The following C14orf132 variants were observed in gnomAD, a reference collection of about 807,000 sequenced individuals.
C14orf132 encodes chromosome 14 open reading frame 132.
In C14orf132, 6 loss-of-function variants were observed where a neutral mutation model predicts 5.8. The ratio of observed to expected loss-of-function variants is 1.03; its 90% CI spans 0.57 to 2.04. The LOEUF (loss-of-function observed/expected upper bound fraction) is 2.04, where lower values mean the gene tolerates loss of function less well. Ranked by LOEUF, C14orf132 falls within the 30% of genes most tolerant of loss-of-function variation. The pLI is 0.00. For synonymous variants in C14orf132, 51 were observed against 49.8 expected, an observed-to-expected ratio of 1.02 and a Z score of -0.10; for missense variants, 125 against 115.8, an observed-to-expected ratio of 1.08 and a Z score of -0.37.
chr14:96,059,308 C>T (rs1887275957), intron 1 of C14orf132, among the ~76,000 whole-genome samples: 1 of 152,160 alleles, frequency 6.6e-6, no homozygotes, highest in African/African-American at 2.4e-5. Context: ...AATGAAAAAC[C>T]TGCCCCATGG....
intron 1 of C14orf132, among the ~76,000 whole-genome samples, chr14:96,079,032 T>G (rs1368044299): frequency 1.3e-5 from 2 of 152,152 alleles, no homozygotes; most frequent in Admixed American, 1.3e-4. Context: ...CCACATAAAA[T>G]AAACCAGACC....
At chr14:96,082,623 C>T (rs530195348) in intron 1 of C14orf132, among the ~76,000 whole-genome samples, 28 of 152,290 alleles carry the variant, frequency 1.8e-4, no homozygotes, top group Admixed American at 4.6e-4. Flanking sequence ...CTAGGGGGCA[C>T]GGGTGGCCAT....
At chr14:96,052,506 T>G (rs918814891) in intron 1 of C14orf132, among the ~76,000 whole-genome samples, 7 of 152,254 alleles carry the variant, frequency 4.6e-5, no homozygotes, top group Non-Finnish European at 1.0e-4. Context: ...ATGTCAGGAT[T>G]GCTGCTGCCC....
Position 96,091,145 on chromosome 14 carries a change from G to C in C14orf132, c.*4410G>C. The C allele has an allele frequency of 2.5e-6, 1 of 401,424 alleles. No homozygotes were observed. The highest frequency in any genetic ancestry group is 1.9e-5 in the South Asian group (1 of 53,190). 24.9% of individuals were successfully genotyped at this position (401,424 alleles called of 1,614,324 possible). A position where few individuals can be genotyped will look rare whatever the true frequency, so the allele number is the denominator to read the frequency against. ...GCTAAGGAGCTGTGATTCAGACCCA[G>C]TTCTGTCAGCTCTAGAGGCACCCTG... On this transcript the variant is annotated 3_prime_UTR_variant, in exon 2 of 2. Transcript: ENST00000555004.
chr14:96,053,543 C>T (rs994409269), intron 1 of C14orf132, among the ~76,000 whole-genome samples: 3 of 152,354 alleles, frequency 2.0e-5, no homozygotes, highest in Non-Finnish European at 4.4e-5. Context: ...ATGGGACTCT[C>T]CCTGGGCTGG....
chr14:96,048,171 G>C (rs1244252010), intron 1 of C14orf132, among the ~76,000 whole-genome samples: 1 of 152,196 alleles, frequency 6.6e-6, no homozygotes, highest in Non-Finnish European at 1.5e-5. Context: ...CTGGGTGACA[G>C]AGTGAAACTC....
At position 96,039,527 on chromosome 14, in the gene C14orf132, G is replaced by C. The variant is rs1270284688; in HGVS notation, c.27G>C (p.Gln9His). MDLSFMAA[Q>H]LPMMGGAFMD... ...TGGATCTCTCCTTTATGGCCGCGCA[G>C]GTAACGGGGCGTCCCCCCCACGCGC... is the stretch of plus-strand genomic sequence containing the variant. The change falls in exon 1 of 2, where the codon CAG becomes CAC. Residue 9 changes from glutamine to histidine, a missense_variant and splice_region_variant. Transcript: ENST00000555004. The surrounding 1 kb of genome is among the most constrained non-coding windows in gnomAD (Gnocchi z 5.3). The C allele has an allele frequency of 6.7e-7, 1 of 1,503,406 alleles. No homozygotes were observed. Among genetic ancestry groups the C allele is most frequent in the Non-Finnish European group, 8.9e-7 (1 of 1,129,642 alleles). 93.1% of individuals were successfully genotyped at this position (1,503,406 alleles called of 1,614,324 possible).
At position 96,039,429 on chromosome 14, in the gene C14orf132, C is replaced by G; in HGVS notation, c.-72C>G. The G allele has an allele frequency of 7.0e-7, 1 of 1,418,746 alleles. No individual in the cohort carries two copies. The highest frequency in any genetic ancestry group is 9.3e-7 in the Non-Finnish European group (1 of 1,078,134). The allele number at this position is 1,418,746 out of a possible 1,614,324, so 87.9% of individuals were successfully genotyped here. On this transcript the variant is annotated 5_prime_UTR_variant, in exon 1 of 2. Coordinates refer to ENST00000555004, the MANE Select transcript of C14orf132 (RefSeq NM_001252507.3). This position sits in a 1 kb window ranked among gnomAD's most constrained non-coding sequence, Gnocchi z 5.3. Reference sequence around the variant, plus strand: ...GCTCGCTGCTCAGCCCGATCCCCGCCAACTGTGCAGGCGGCTGACCCGCAG... The same window carrying G: ...GCTCGCTGCTCAGCCCGATCCCCGCGAACTGTGCAGGCGGCTGACCCGCAG...
chr14:96,067,322 T>C (rs937449928), intron 1 of C14orf132, among the ~76,000 whole-genome samples: 1 of 152,076 alleles, frequency 6.6e-6, no homozygotes. Context: ...CCTGAACCCA[T>C]TGCCATCCTT....
intron 1 of C14orf132, among the ~76,000 whole-genome samples, chr14:96,056,777 A>G (rs141701268): frequency 2.6e-5 from 4 of 152,310 alleles, no homozygotes; most frequent in African/African-American, 9.6e-5. Flanking sequence ...CTGGAGTTGC[A>G]GTCAGAAAAC....
intron 1 of C14orf132, among the ~76,000 whole-genome samples, chr14:96,059,096 T>C (rs1398630689): frequency 1.3e-5 from 2 of 152,168 alleles, no homozygotes; most frequent in African/African-American, 4.8e-5. Flanking sequence ...ACTCTGTCTC[T>C]ACAAAAACTA....
intron 1 of C14orf132, among the ~76,000 whole-genome samples, chr14:96,041,209 G>A (rs1161791706): frequency 3.9e-5 from 6 of 152,188 alleles, no homozygotes; most frequent in Admixed American, 3.3e-4. Context: ...CCACACATAT[G>A]AGAACAGACG....
At chr14:96,054,994 AT>A (rs1373662740) in intron 1 of C14orf132, among the ~76,000 whole-genome samples, 3 of 152,122 alleles carry the variant, frequency 2.0e-5, no homozygotes, top group Non-Finnish European at 4.4e-5. Flanking sequence ...TTTACAACTG[AT>A]TTTTTTGAAG....
chr14:96,080,747 C>T (rs943912050), intron 1 of C14orf132, among the ~76,000 whole-genome samples: 3 of 152,118 alleles, frequency 2.0e-5, no homozygotes, highest in Non-Finnish European at 4.4e-5. Flanking sequence ...TCCCATTTTC[C>T]ACAATGGCCC....
At chr14:96,082,005 T>C (rs1390198247) in intron 1 of C14orf132, among the ~76,000 whole-genome samples, 2 of 152,216 alleles carry the variant, frequency 1.3e-5, no homozygotes, top group Non-Finnish European at 2.9e-5. Context: ...CCCTGTGTTG[T>C]CCTGGTTGCC....
intron 1 of C14orf132, among the ~76,000 whole-genome samples, chr14:96,065,064 TC>T (rs1353816251): frequency 2.0e-5 from 3 of 152,104 alleles, no homozygotes; most frequent in African/African-American, 7.3e-5. Context: ...TGACGTGACT[TC>T]CTGGACATCA....
At position 96,086,778 on chromosome 14, in the gene C14orf132, T is replaced by C. The variant is rs2139685948; in HGVS notation, c.*43T>C. 3 of 1,512,328 alleles carry C rather than the reference T, an allele frequency of 2.0e-6. No homozygotes were observed. In the East Asian group the frequency reaches 7.4e-5, roughly 37 times the overall value. The allele number at this position is 1,512,328 out of a possible 1,614,324, so 93.7% of individuals were successfully genotyped here. On this transcript the variant is annotated 3_prime_UTR_variant, in exon 2 of 2. Coordinates refer to ENST00000555004, the MANE Select transcript of C14orf132 (RefSeq NM_001252507.3). ...CCACCATGGGGTGAGGCTTGGCACG[T>C]AGCTCTGACTTGCTGTCGGCCTTTG...
intron 1 of C14orf132, among the ~76,000 whole-genome samples, chr14:96,063,234 A>G (rs1234686408): frequency 6.6e-6 from 1 of 152,222 alleles, no homozygotes. Context: ...GGTGAATAGG[A>G]TGGAGGTTCC....
At chr14:96,049,620 GTATATATATACATATATACGTATAT>G (rs1886962229) in intron 1 of C14orf132, among the ~76,000 whole-genome samples, 1 of 87,586 alleles carries the variant, frequency 1.1e-5, no homozygotes, top group African/African-American at 4.9e-5. Flanking sequence ...ACATATATAC[GTATATATATACATATATACGTATAT>G]ATATATATAG....
Sources: allele counts gnomAD v4.1 joint callset (sites outside exome capture counted in the v4.1 genomes callset), GRCh38; gene constraint gnomAD v4.1.1; non-coding constraint Gnocchi (gnomAD v3.1); transcripts MANE v1.5; gene names NCBI Gene and HGNC (gene_info 2026-07-23, HGNC 2026-07-21).